GLDC: variants seen among roughly 807,000 people sequenced by gnomAD.
GLDC encodes glycine decarboxylase.
Under a neutral mutation model 121.3 loss-of-function variants are expected in GLDC, and 104 were observed. That is an observed-to-expected ratio of 0.86 (90% CI 0.73 to 1.01). The LOEUF (loss-of-function observed/expected upper bound fraction) is 1.01. Ranked by LOEUF, GLDC falls within the 50% of genes least tolerant of loss-of-function variation. The pLI, the probability that GLDC is intolerant of heterozygous loss-of-function variation, is 0.00. For synonymous variants in GLDC, 546 were observed against 480.6 expected, an observed-to-expected ratio of 1.14 and a Z score of -1.78; for missense variants, 1,429 against 1,306.6, an observed-to-expected ratio of 1.09 and a Z score of -1.44.
intron 2 of GLDC, among the ~76,000 whole-genome samples, chr9:6,633,173 T>C (rs1262573924): frequency 6.6e-6 from 1 of 152,176 alleles, no homozygotes; most frequent in African/African-American, 2.4e-5. Context: ...CTCTTCTGCC[T>C]AAGAAAGGTC....
At chr9:6,603,358 G>A (rs1818657765) in intron 7 of GLDC, among the ~76,000 whole-genome samples, 1 of 151,940 alleles carries the variant, frequency 6.6e-6, no homozygotes, top group African/African-American at 2.4e-5. Context: ...GCTTACACCT[G>A]GTAATCCGAG....
chr9:6,609,785 C>A (rs1261071053), intron 4 of GLDC, among the ~76,000 whole-genome samples: 1 of 152,122 alleles, frequency 6.6e-6, no homozygotes, highest in African/African-American at 2.4e-5. Flanking sequence ...ACCCTGTCCC[C>A]TGAACAACCC....
At chr9:6,549,765 T>C (rs766140250) in intron 21 of GLDC, among the ~76,000 whole-genome samples, 26 of 152,062 alleles carry the variant, frequency 1.7e-4, no homozygotes, top group Non-Finnish European at 3.1e-4. Flanking sequence ...CAATCACAGG[T>C]GTGATTACAG....
chr9:6,563,305 C>T (rs1469523980), intron 16 of GLDC, among the ~76,000 whole-genome samples: 2 of 152,200 alleles, frequency 1.3e-5, no homozygotes, highest in African/African-American at 2.4e-5. Flanking sequence ...AGCATTACTG[C>T]GTGGAAAGAA....
At chr9:6,558,503 C>A (rs1817681169) in intron 17 of GLDC, 56 bp downstream of exon 17, 2 of 1,597,902 alleles carry the variant, frequency 1.3e-6, no homozygotes, top group South Asian at 1.1e-5. Flanking sequence ...AGTCCCTGAT[C>A]CCCACCAGCA....
At chr9:6,543,668 A>G (rs1157342703) in intron 21 of GLDC, among the ~76,000 whole-genome samples, 1 of 152,204 alleles carries the variant, frequency 6.6e-6, no homozygotes, top group Non-Finnish European at 1.5e-5. Context: ...CCTGAAAGGG[A>G]TGAAATTTCA....
At chr9:6,573,369 A>C (rs1818001783) in intron 15 of GLDC, among the ~76,000 whole-genome samples, 1 of 152,134 alleles carries the variant, frequency 6.6e-6, no homozygotes, top group Non-Finnish European at 1.5e-5. Context: ...GCTGAGACAC[A>C]AGAATCGCTT....
chr9:6,556,849 C>G (rs1445982031), intron 17 of GLDC, among the ~76,000 whole-genome samples: 5 of 152,022 alleles, frequency 3.3e-5, no homozygotes, highest in Non-Finnish European at 7.4e-5. Flanking sequence ...CAGGCTAGGT[C>G]TCTATGGTCC....
chr9:6,617,835 A>G lies in GLDC; in HGVS notation c.470+2349T>C, dbSNP rs1818995361. On this transcript the variant is annotated intron_variant, in intron 3 of 24. Transcript: ENST00000321612. Reference sequence around the variant, plus strand: ...AGTGTTTATCAAATTGTTAACACTCATTGATTGGGAGCATGTACTTGGGTA... The same window carrying G: ...AGTGTTTATCAAATTGTTAACACTCGTTGATTGGGAGCATGTACTTGGGTA... Among the ~76,000 whole-genome samples, 6 of 152,340 alleles carry G rather than the reference A, an allele frequency of 3.9e-5. No individual in the cohort carries two copies. In the South Asian group the frequency reaches 1.2e-3, roughly 32 times the overall value.
At chr9:6,632,593 G>A (rs113536893) in intron 2 of GLDC, among the ~76,000 whole-genome samples, 1,772 of 152,352 alleles carry the variant, frequency 0.012, 29 homozygotes, top group African/African-American at 0.041. Context: ...GCTATTTGAT[G>A]GAGTGGGGAA....
intron 11 of GLDC, among the ~76,000 whole-genome samples, chr9:6,589,905 ATTAGC>A (rs1389559126): frequency 3.3e-5 from 5 of 152,100 alleles, no homozygotes; most frequent in Non-Finnish European, 5.9e-5. Context: ...AAAATACAAA[ATTAGC>A]CGGTCGTGTT....
chr9:6,586,867 C>A (rs1035993362), intron 15 of GLDC, among the ~76,000 whole-genome samples: 1 of 152,146 alleles, frequency 6.6e-6, no homozygotes, highest in African/African-American at 2.4e-5. Context: ...CTGTAAGGAA[C>A]AAGGAAGCTC....
At chr9:6,569,381 T>C (rs1251848992) in intron 15 of GLDC, 2 of 152,198 alleles carry the variant, frequency 1.3e-5, no homozygotes, top group Admixed American at 6.5e-5. Context: ...GTGCCGGGCG[T>C]GGTGGCTCAC....
At chr9:6,564,630 T>C (rs936422515) in intron 16 of GLDC, among the ~76,000 whole-genome samples, 1 of 152,210 alleles carries the variant, frequency 6.6e-6, no homozygotes, top group Non-Finnish European at 1.5e-5. Context: ...GTACAAACTC[T>C]AGCATAGCAC....
intron 21 of GLDC, among the ~76,000 whole-genome samples, chr9:6,546,480 A>G (rs1001822145): frequency 6.6e-6 from 1 of 150,744 alleles, no homozygotes; most frequent in Non-Finnish European, 1.5e-5. Context: ...GATTGCAGGC[A>G]TGAGCCACAG....
intron 11 of GLDC, 99 bp downstream of exon 11, chr9:6,592,044 C>T: frequency 1.3e-6 from 1 of 783,338 alleles, no homozygotes; most frequent in South Asian, 1.4e-5. Flanking sequence ...CTACCAGTGT[C>T]ACACTTGGGC....
chr9:6,550,430 C>A (rs867133398), intron 21 of GLDC, among the ~76,000 whole-genome samples: 7 of 152,078 alleles, frequency 4.6e-5, no homozygotes, highest in Non-Finnish European at 1.0e-4. Context: ...AGTTCGAGAC[C>A]AGCCTGGCCA....
chr9:6,611,427 G>A (rs567245106), intron 3 of GLDC, among the ~76,000 whole-genome samples: 7 of 152,222 alleles, frequency 4.6e-5, no homozygotes, highest in South Asian at 2.1e-4. Flanking sequence ...GTGGTGGCAC[G>A]TGCCTGTAGT....
chr9:6,582,214 C>CAAA (rs34879516), intron 15 of GLDC, among the ~76,000 whole-genome samples: 2 of 48,634 alleles, frequency 4.1e-5, no homozygotes, highest in Non-Finnish European at 7.7e-5. Context: ...GACTTCGTCT[C>CAAA]AAAAAAAAAA....
Sources: allele counts gnomAD v4.1 joint callset (sites outside exome capture counted in the v4.1 genomes callset), GRCh38; gene constraint gnomAD v4.1.1; transcripts MANE v1.5; gene names NCBI Gene and HGNC (gene_info 2026-07-23, HGNC 2026-07-21).